Variants in ATP6V0A1 observed in about 807,000 individuals in gnomAD.
ATP6V0A1 encodes ATPase H+ transporting V0 subunit a1, also known as V-type proton ATPase 116 kDa subunit a 1.
In ATP6V0A1, 43 loss-of-function variants were observed where a neutral mutation model predicts 105.4. The ratio of observed to expected loss-of-function variants is 0.41; its 90% CI spans 0.32 to 0.53. The LOEUF (loss-of-function observed/expected upper bound fraction) is 0.53. Among genes scored for constraint, ATP6V0A1 ranks in the 20% least tolerant of loss-of-function variants. The pLI, the probability that ATP6V0A1 is intolerant of heterozygous loss-of-function variation, is 0.30. For missense variants in ATP6V0A1, 676 were observed against 1,051.1 expected, an observed-to-expected ratio of 0.64 and a Z score of 4.93; for synonymous variants, 362 against 372.8, an observed-to-expected ratio of 0.97 and a Z score of 0.33.
chr17:42,495,340 C>T lies in ATP6V0A1; in HGVS notation c.1469+152C>T, dbSNP rs1247847552. 4.4e-6 allele frequency: 4 copies of T among 915,382 alleles called. No individual in the cohort carries two copies. The African/African-American group carries it at 5.0e-5, about 11-fold the overall frequency. The allele number at this position is 915,382 out of a possible 1,614,324, so 56.7% of individuals were successfully genotyped here. A position where few individuals can be genotyped will look rare whatever the true frequency, so the allele number is the denominator to read the frequency against. On this transcript the variant is annotated intron_variant, in intron 13 of 21. Transcript: ENST00000343619. ...ACTGTGAGTTGCTTTGTGATTTGTTCAGCAAGTATCCAGGAACTAAGATTA... is the reference window on the plus strand; with the variant it reads ...ACTGTGAGTTGCTTTGTGATTTGTTTAGCAAGTATCCAGGAACTAAGATTA...
chr17:42,521,701 C>T lies in ATP6V0A1; in HGVS notation c.*581C>T, dbSNP rs984057484. On this transcript the variant is annotated 3_prime_UTR_variant, in exon 22 of 22. Transcript: ENST00000343619. This position sits in a 1 kb window ranked among gnomAD's most constrained non-coding sequence, Gnocchi z 4.8. ...GCCATCATGAGTGGCTTCTCCCTGT[C>T]ATCCCCAGGGGTCATAGGATATCTA... The T allele has an allele frequency of 1.3e-5, 2 of 151,900 alleles. No homozygotes were observed. The highest frequency in any genetic ancestry group is 1.9e-4 in the East Asian group (1 of 5,304). The allele number at this position is 151,900 out of a possible 1,614,324, so 9.4% of individuals were successfully genotyped here. A position where few individuals can be genotyped will look rare whatever the true frequency, so the allele number is the denominator to read the frequency against.
At chr17:42,466,741 G>GT (rs1201637795) in intron 3 of ATP6V0A1, among the ~76,000 whole-genome samples, 2 of 152,110 alleles carry the variant, frequency 1.3e-5, no homozygotes, top group Admixed American at 6.6e-5. Flanking sequence ...AAAACTGGTT[G>GT]TTTTTTTGTG....
intron 10 of ATP6V0A1, among the ~76,000 whole-genome samples, chr17:42,487,868 A>G (rs1334034549): frequency 1.3e-5 from 2 of 152,224 alleles, no homozygotes; most frequent in African/African-American, 4.8e-5. Context: ...GGCATATAAT[A>G]TGTATATCAT....
intron 5 of ATP6V0A1, among the ~76,000 whole-genome samples, chr17:42,471,968 A>C (rs942928382): frequency 2.6e-5 from 4 of 151,826 alleles, no homozygotes; most frequent in Non-Finnish European, 5.9e-5. Context: ...TGTTACAGTC[A>C]CTGTTCAATG....
chr17:42,488,554 T>C (rs1420885071), intron 10 of ATP6V0A1, among the ~76,000 whole-genome samples: 1 of 151,916 alleles, frequency 6.6e-6, no homozygotes, highest in African/African-American at 2.4e-5. Context: ...TCACTTCAGC[T>C]TCCAACTCCT....
intron 3 of ATP6V0A1, 24 bp downstream of exon 3, chr17:42,466,531 A>C (rs768424560): frequency 2.3e-5 from 36 of 1,581,880 alleles, no homozygotes; most frequent in Admixed American, 1.3e-4. Flanking sequence ...GGTCTTGTGT[A>C]ATGTTCCTTT....
At chr17:42,470,443 A>C (rs988909566) in intron 5 of ATP6V0A1, 3 of 440,374 alleles carry the variant, frequency 6.8e-6, no homozygotes, top group African/African-American at 6.0e-5. Context: ...TTTCATCTCA[A>C]TATGAGGAAA....
intron 7 of ATP6V0A1, among the ~76,000 whole-genome samples, chr17:42,480,039 A>G (rs776992949): frequency 4.6e-5 from 7 of 152,194 alleles, no homozygotes; most frequent in Non-Finnish European, 7.3e-5. Flanking sequence ...TAAAAGCTCT[A>G]CATGCTGTGT....
chr17:42,497,234 A>T lies in ATP6V0A1; in HGVS notation c.1560+1518A>T, dbSNP rs546959212. ...AGAACAGCTTGAACCTGGGAGGCAG[A>T]GGTTGCAGTGAGCCAAGATCACGTA... On this transcript the variant is annotated intron_variant, in intron 14 of 21. Transcript: ENST00000343619. Among the ~76,000 whole-genome samples, 135 of 143,722 alleles carry T rather than the reference A, an allele frequency of 9.4e-4. 2 individuals are homozygous for T. Among genetic ancestry groups the T allele is most frequent in the Non-Finnish European group, 1.2e-4 (8 of 66,620 alleles). The allele number at this position is 143,722 out of a possible 152,430, so 94.3% of individuals were successfully genotyped here.
rs1251263576 is a variant in ATP6V0A1, at chr17:42,513,850, TC to T, written c.2131-8del. 1.2e-6 allele frequency: 2 copies of T among 1,610,846 alleles called. No individual in the cohort carries two copies. The highest frequency in any genetic ancestry group is 3.3e-5 in the Admixed American group (2 of 59,994). ...GCCTTATATCTTCTCTCTGGTTTCCTCCCACGACAGTTTGACTTTGGGGACA... is the reference window on the plus strand; with the variant it reads ...GCCTTATATCTTCTCTCTGGTTTCCTCCACGACAGTTTGACTTTGGGGACA... On this transcript the variant is annotated splice_polypyrimidine_tract_variant and intron_variant, in intron 19 of 21. Coordinates refer to ENST00000343619, the MANE Select transcript of ATP6V0A1 (RefSeq NM_001130021.3).
At position 42,507,607 on chromosome 17, in the gene ATP6V0A1, C is replaced by G. The variant is rs2092106453; in HGVS notation, c.2092C>G (p.His698Asp). 6.2e-7 allele frequency: 1 copy of G among 1,613,862 alleles called. No individual in the cohort carries two copies. Among genetic ancestry groups the G allele is most frequent in the African/African-American group, 1.3e-5 (1 of 74,900 alleles). The change falls in exon 18 of 22, where the codon CAC becomes GAC. Residue 698 changes from histidine (H) to aspartate (D), a missense_variant. Around this residue, in one of 3 missense-constraint regions of ATP6V0A1, gnomAD observed 435 missense variants for 642.2 expected, o/e 0.68. Coordinates refer to ENST00000343619, the MANE Select transcript of ATP6V0A1 (RefSeq NM_001130021.3). ...EIIQHDQLST[H>D]SEDADEPSED... ...TATTCAGCATGACCAGCTCTCCACC[C>G]ACTCAGAGGACGCAGACGAGGTAAG...
At position 42,514,287 on chromosome 17, in the gene ATP6V0A1, A is replaced by G; in HGVS notation, c.2249-2A>G. The G allele has an allele frequency of 6.3e-7, 1 of 1,581,206 alleles. No homozygotes were observed. The highest frequency in any genetic ancestry group is 8.6e-7 in the Non-Finnish European group (1 of 1,163,694). ...CTGGATTTTGTGTCTCCCATTCCCCAGAGCTGTCTGAGGTGCTTTGGACCA... is the reference window on the plus strand; with the variant it reads ...CTGGATTTTGTGTCTCCCATTCCCCGGAGCTGTCTGAGGTGCTTTGGACCA... On this transcript the variant is annotated splice_acceptor_variant, in intron 20 of 21. Coordinates refer to ENST00000343619, the MANE Select transcript of ATP6V0A1 (RefSeq NM_001130021.3). LOFTEE classifies it high-confidence loss of function.
chr17:42,461,271 T>C (rs1265896535), intron 2 of ATP6V0A1, among the ~76,000 whole-genome samples: 1 of 152,078 alleles, frequency 6.6e-6, no homozygotes, highest in Admixed American at 6.6e-5. Flanking sequence ...CAGGGAGAGG[T>C]TACCAAACTA....
chr17:42,477,336 GAA>G (rs1368783157), intron 5 of ATP6V0A1, among the ~76,000 whole-genome samples: 1 of 152,184 alleles, frequency 6.6e-6, no homozygotes, highest in African/African-American at 2.4e-5. Context: ...ACGTAGGAGA[GAA>G]AATGGCTTCC....
intron 21 of ATP6V0A1, among the ~76,000 whole-genome samples, chr17:42,515,479 A>AAG (rs1336595436): frequency 6.8e-6 from 1 of 147,878 alleles, no homozygotes; most frequent in African/African-American, 2.5e-5. Flanking sequence ...AAAAAAAAAA[A>AAG]AAAAAAAATA....
At chr17:42,508,463 A>G in intron 18 of ATP6V0A1, 109 bp from the exon 19 acceptor site, 2 of 1,437,388 alleles carry the variant, frequency 1.4e-6, no homozygotes, top group East Asian at 2.3e-5. Context: ...GTGCTAGCCC[A>G]TTTAACATGA....
chr17:42,500,595 A>AAAGACAGAATT, intron 15 of ATP6V0A1, 112 bp from the exon 16 acceptor site: 1 of 818,956 alleles, frequency 1.2e-6, no homozygotes, highest in Non-Finnish European at 2.0e-6. Flanking sequence ...TTAAAGTGAT[A>AAAGACAGAATT]AAGACAGAAT....
At chr17:42,516,631 G>A (rs1031057161) in intron 21 of ATP6V0A1, among the ~76,000 whole-genome samples, 54 of 152,320 alleles carry the variant, frequency 3.5e-4, no homozygotes, top group African/African-American at 1.2e-3. Context: ...TCCAGCCCAC[G>A]TGGGTAGCCG....
chr17:42,494,734 C>T (rs1200616670), intron 12 of ATP6V0A1: 1 of 471,530 alleles, frequency 2.1e-6, no homozygotes, highest in Non-Finnish European at 3.7e-6. Context: ...ATAGTGAGAC[C>T]CCATCTCTAA....
Sources: gnomAD v4.1 joint callset for allele counts (sites outside exome capture counted in the v4.1 genomes callset) on GRCh38, gnomAD v4.1.1 for gene constraint, gnomAD v4.1.1 regional missense constraint, Gnocchi (gnomAD v3.1) non-coding constraint, MANE v1.5 for transcripts, NCBI Gene and HGNC (gene_info 2026-07-23, HGNC 2026-07-21) for gene names.